The following HLA-DPA1 variants were observed in gnomAD, a reference collection of about 807,000 sequenced individuals.
The protein encoded by HLA-DPA1 is HLA class II histocompatibility antigen, DP alpha 1 chain.
A neutral mutation model predicts 21.5 loss-of-function variants in HLA-DPA1; 20 were observed. That is an observed-to-expected ratio of 0.93 (90% CI 0.66 to 1.35). The LOEUF is 1.35. Ranked by LOEUF, HLA-DPA1 falls within the 40% of genes most tolerant of loss-of-function variation. The probability of loss-of-function intolerance (pLI) is 0.00; values close to 1 mark genes in which losing one functional copy is unlikely to be tolerated. For synonymous variants in HLA-DPA1, 123 were observed against 129.6 expected (o/e 0.95, Z 0.35); for missense variants, 279 against 323.0 (o/e 0.86, Z 1.05).
At position 33,074,660 on chromosome 6, in the gene HLA-DPA1, G is replaced by T. The variant is rs151034868; in HGVS notation, c.-99-991C>A. 3.6e-3 allele frequency among the ~76,000 whole-genome samples: 542 copies of T among 152,168 alleles called. 3 individuals are homozygous for T. The highest frequency in any genetic ancestry group is 0.026 in the East Asian group (133 of 5,182). On this transcript the variant is annotated intron_variant, in intron 1 of 5. Transcript: ENST00000419277. ...TAAATAATAATTACTAACAGATTAG[G>T]ACATGAGAGATTCTGTTATTAGTGC...
At chr6:33,075,014 T>C (rs1221058810) in intron 1 of HLA-DPA1, among the ~76,000 whole-genome samples, 1 of 152,220 alleles carries the variant, frequency 6.6e-6, no homozygotes, top group Non-Finnish European at 1.5e-5. Context: ...GAAATTAGAA[T>C]TGGTGGTCCA....
intron 5 of HLA-DPA1, 91 bp downstream of exon 4, chr6:33,068,547 C>T: frequency 9.7e-7 from 1 of 1,029,852 alleles, no homozygotes. Flanking sequence ...GCTTTTAACC[C>T]ATTAGAAGAT....
intron 2 of HLA-DPA1, among the ~76,000 whole-genome samples, chr6:33,071,876 C>G (rs969651637): frequency 4.6e-5 from 7 of 152,220 alleles, no homozygotes; most frequent in African/African-American, 1.4e-4. Flanking sequence ...CTTAGAAGAC[C>G]TGAAAGTCAT....
intron 3 of HLA-DPA1, 52 bp downstream of exon 2, chr6:33,069,589 C>T: frequency 6.2e-7 from 1 of 1,603,220 alleles, no homozygotes; most frequent in Non-Finnish European, 8.5e-7. Context: ...CAGAGAGGCC[C>T]TCTCATCCCT....
At position 33,073,452 on chromosome 6, in the gene HLA-DPA1, C is replaced by A. The variant is rs778696529; in HGVS notation, c.100+19G>T. The A allele has an allele frequency of 2.6e-6, 4 of 1,546,242 alleles. No individual in the cohort carries two copies. In the African/African-American group the frequency reaches 4.1e-5, roughly 16 times the overall value. ...CCCATCACTCACCCCGACGCTCCTGCGTCCTCCTGAGCACTCACCCTTGAT... is the reference window on the plus strand; with the variant it reads ...CCCATCACTCACCCCGACGCTCCTGAGTCCTCCTGAGCACTCACCCTTGAT... On this transcript the variant is annotated intron_variant, in intron 2 of 5. Transcript: ENST00000419277.
In HLA-DPA1 at chr6:33,071,485, C is replaced by T. The variant is rs537440825; in HGVS notation, c.101-1599G>A. ...AAACACTTTCACAAGTTCTGCAGTCCAAAGATCAGCCAGCTATGGAACAGA... is the reference window on the plus strand; with the variant it reads ...AAACACTTTCACAAGTTCTGCAGTCTAAAGATCAGCCAGCTATGGAACAGA... On this transcript the variant is annotated intron_variant, in intron 2 of 5. Coordinates refer to ENST00000419277, the Ensembl canonical transcript of HLA-DPA1. Among the ~76,000 whole-genome samples the T allele has an allele frequency of 3.4e-3, 511 of 152,216 alleles. 2 individuals are homozygous for T. Among genetic ancestry groups the T allele is most frequent in the East Asian group, 0.024 (125 of 5,172 alleles).
At chr6:33,070,566 TTCTG>T in intron 2 of HLA-DPA1, among the ~76,000 whole-genome samples, 1 of 152,342 alleles carries the variant, frequency 6.6e-6, no homozygotes, top group African/African-American at 2.4e-5. Flanking sequence ...GTTTTAAAGT[TTCTG>T]TCTTAGTTTA....
chr6:33,075,776 T>C (rs1264697185), intron 1 of HLA-DPA1: 3 of 466,944 alleles, frequency 6.4e-6, no homozygotes, highest in Non-Finnish European at 1.1e-5. Context: ...CTGGTTAAAA[T>C]GAGTATCACT....
At position 33,076,776 on chromosome 6, in the gene HLA-DPA1, A is replaced by C. The variant is rs142340636; in HGVS notation, c.-99-3107T>G. Among the ~76,000 whole-genome samples, 541 of 152,246 alleles carry C rather than the reference A, an allele frequency of 3.6e-3. 2 individuals are homozygous for C. Among genetic ancestry groups the C allele is most frequent in the East Asian group, 0.026 (133 of 5,176 alleles). ...AGATGAGGTTGTGTGGGTGCATGAC[A>C]GGGATTGAGTGTAGGTTATCAGACA... On this transcript the variant is annotated intron_variant, in intron 1 of 5. Transcript: ENST00000419277.
At chr6:33,079,869 T>C (rs73741627) in intron 1 of HLA-DPA1, 9,358 of 313,412 alleles carry the variant, frequency 0.03, 238 homozygotes, top group African/African-American at 0.08. Flanking sequence ...AGAAAGTTCA[T>C]GTCCACGTTT....
chr6:33,065,369 T>C (rs35188681), intron 5 of HLA-DPA1, 22 bp from the exon 5 acceptor site: 44,023 of 152,226 alleles, frequency 0.29, 8,430 homozygotes, highest in East Asian at 0.69. Flanking sequence ...CACACAGTTA[T>C]TGTCATTCCT....
At chr6:33,079,650 A>AC (rs1440615403) in intron 1 of HLA-DPA1, 21 of 472,668 alleles carry the variant, frequency 4.4e-5, no homozygotes, top group South Asian at 7.9e-5. Context: ...AACAACAACA[A>AC]AAAAAACATG....
chr6:33,070,456 G>A (rs1306446994), intron 2 of HLA-DPA1, among the ~76,000 whole-genome samples: 2 of 151,980 alleles, frequency 1.3e-5, no homozygotes, highest in African/African-American at 4.8e-5. Context: ...ATGGGGGTGG[G>A]GGAATGGACA....
intron 1 of HLA-DPA1, chr6:33,076,151 G>A (rs747033610): frequency 2.5e-6 from 4 of 1,575,520 alleles, no homozygotes; most frequent in South Asian, 1.1e-5. Context: ...GGTAAGAGCC[G>A]AACTGCCATT....
chr6:33,068,727 C>A, exon 5 of HLA-DPA1: 1 of 1,612,968 alleles, frequency 6.2e-7, no homozygotes. Flanking sequence ...ACGATGATGC[C>A]GACTAGGCCC....
At chr6:33,073,437 A>C in intron 2 of HLA-DPA1, 34 bp downstream of exon 1, 1 of 1,385,764 alleles carries the variant, frequency 7.2e-7, no homozygotes, top group Non-Finnish European at 1.0e-6. Context: ...CCCATCACTC[A>C]CCCCGACGCT....
rs375533701 is a variant in HLA-DPA1 at position 33,065,712 on chromosome 6, A to G, written c.*13-365T>C. On this transcript the variant is annotated intron_variant, in intron 5 of 5. Coordinates refer to ENST00000419277, the Ensembl canonical transcript of HLA-DPA1. ...TATCCAAACCATATCAATGACGGCAATGAACGAAGGATACTTGCTCACATT... is the reference window on the plus strand; with the variant it reads ...TATCCAAACCATATCAATGACGGCAGTGAACGAAGGATACTTGCTCACATT... 3.3e-5 allele frequency: 5 copies of G among 152,268 alleles called. No individual in the cohort carries two copies. In the East Asian group the frequency reaches 5.8e-4, roughly 18 times the overall value. 9.4% of individuals were successfully genotyped at this position (152,268 alleles called of 1,614,324 possible). A position where few individuals can be genotyped will look rare whatever the true frequency, so the allele number is the denominator to read the frequency against.
chr6:33,073,071 G>C (rs1001455743), intron 2 of HLA-DPA1, among the ~76,000 whole-genome samples: 2 of 152,242 alleles, frequency 1.3e-5, no homozygotes, highest in African/African-American at 4.8e-5. Context: ...GTAGGTCACT[G>C]TGTGCAGGAA....
In HLA-DPA1 at chr6:33,067,417, G is replaced by A. The variant is rs1041696296; in HGVS notation, c.*12+1221C>T. 3 of 152,238 alleles carry A rather than the reference G, an allele frequency of 2.0e-5. No homozygotes were observed. In the East Asian group the frequency reaches 5.8e-4, roughly 29 times the overall value. The allele number at this position is 152,238 out of a possible 1,614,324, so 9.4% of individuals were successfully genotyped here. On this transcript the variant is annotated intron_variant, in intron 5 of 5. Transcript: ENST00000419277. ...TTTCTATGTCTCTTTCTCCCTCTAT[G>A]ACCATGTGATGCACTGGCTCCACTT...
Sources: gnomAD v4.1 joint callset for allele counts (sites outside exome capture counted in the v4.1 genomes callset) on GRCh38, gnomAD v4.1.1 for gene constraint, MANE v1.5 for transcripts, NCBI Gene and HGNC (gene_info 2026-07-23, HGNC 2026-07-21) for gene names.